The following ABCC5 variants were observed in gnomAD, a reference collection of about 807,000 sequenced individuals.
The protein encoded by ABCC5 is ATP-binding cassette sub-family C member 5.
In ABCC5, 61 loss-of-function variants were observed where a neutral mutation model predicts 160.9. That is an observed-to-expected ratio of 0.38 (90% confidence interval 0.31 to 0.47). The LOEUF is 0.47. Among genes scored for constraint, ABCC5 ranks in the 20% least tolerant of loss-of-function variants. ABCC5 has a pLI of 0.99. For missense variants in ABCC5, 1,308 were observed against 1,813.3 expected (o/e 0.72, Z 5.06); for synonymous variants, 666 against 700.6 (o/e 0.95, Z 0.78).
chr3:183,963,249 G>T lies in ABCC5; in HGVS notation c.2235+136C>A. On this transcript the variant is annotated intron_variant, in intron 15 of 29. Transcript: ENST00000334444. This position sits in a 1 kb window ranked among gnomAD's most constrained non-coding sequence, Gnocchi z 4.6. ...TACAGTGAGCTTTATTGGTACAGGG[G>T]GCTAATTTGCTAAGAAAATGAAACC... The T allele has an allele frequency of 4.6e-6, 4 of 861,002 alleles. No individual in the cohort carries two copies. The highest frequency in any genetic ancestry group is 5.6e-6 in the Non-Finnish European group (3 of 539,096). The allele number at this position is 861,002 out of a possible 1,614,324, so 53.3% of individuals were successfully genotyped here.
intron 27 of ABCC5, chr3:183,927,860 A>C: frequency 1.0e-6 from 1 of 960,454 alleles, no homozygotes; most frequent in African/African-American, 1.8e-5. Flanking sequence ...TTATTCTTCA[A>C]ATGAGAAGAA....
At chr3:183,984,660 C>T in intron 5 of ABCC5, 1 of 1,452,532 alleles carries the variant, frequency 6.9e-7, no homozygotes, top group Non-Finnish European at 9.0e-7. Flanking sequence ...CACCTCTCCC[C>T]TCCCTCAGAT....
chr3:183,952,059 T>C, intron 18 of ABCC5, 56 bp from the exon 19 acceptor site: 1 of 1,563,494 alleles, frequency 6.4e-7, no homozygotes, highest in Admixed American at 1.7e-5. Flanking sequence ...CAAGAGCCCC[T>C]GCTCAGCGCC....
chr3:184,016,997 C>T (rs1722244924), intron 1 of ABCC5, among the ~76,000 whole-genome samples: 1 of 152,162 alleles, frequency 6.6e-6, no homozygotes, highest in African/African-American at 2.4e-5. Context: ...TAAAGGGATA[C>T]GTATTTACCA....
chr3:184,013,065 C>T (rs1402213533), intron 2 of ABCC5, among the ~76,000 whole-genome samples: 1 of 152,112 alleles, frequency 6.6e-6, no homozygotes, highest in African/African-American at 2.4e-5. Context: ...AGGTATAATG[C>T]TTTTTTTCCT....
At chr3:183,925,267 T>C (rs1367264310) in intron 29 of ABCC5, among the ~76,000 whole-genome samples, 1 of 152,246 alleles carries the variant, frequency 6.6e-6, no homozygotes, top group Non-Finnish European at 1.5e-5. Context: ...GTGATCATTG[T>C]GTATGTGAAT....
At position 183,977,543 on chromosome 3, in the gene ABCC5, C is replaced by T; in HGVS notation, c.1378G>A (p.Ala460Thr). 1.2e-6 allele frequency: 2 copies of T among 1,613,984 alleles called. No individual in the cohort carries two copies. Among genetic ancestry groups the T allele is most frequent in the Non-Finnish European group, 1.7e-6 (2 of 1,179,892 alleles). ...TTAAATCTGTCAACAGCCACTGAGG[C>T]TTCTGAGAGGGACTTTACTGAAAAC... ...TPFSVKSLSEASVAVDRFKSL... is the reference protein window; with the variant it reads ...TPFSVKSLSETSVAVDRFKSL... Residue 460 changes from alanine (A) to threonine (T), a missense_variant, in exon 10 of 30, where the codon GCC (alanine) becomes ACC (threonine). Physicochemically the swap from Ala to Thr is moderately conservative, Grantham distance 58. This residue lies in a region of ABCC5 where 1,142 missense variants were observed against 1,527.1 expected (regional missense o/e 0.75). Transcript: ENST00000334444.
In ABCC5 at chr3:183,987,729, C is replaced by T. The variant is rs748339340; in HGVS notation, c.591+41G>A. The T allele has an allele frequency of 3.7e-5, 60 of 1,613,562 alleles. 1 individual carries two copies. In the South Asian group the frequency reaches 4.1e-4, roughly 11 times the overall value. ...TAAGAGTGTTAGAGCTGGCCGTGGC[C>T]GGGCCCCTGGAGACTGTCGGAAAGG... On this transcript the variant is annotated intron_variant, in intron 5 of 29. Coordinates refer to ENST00000334444, the MANE Select transcript of ABCC5 (RefSeq NM_005688.4). This position sits in a 1 kb window ranked among gnomAD's most constrained non-coding sequence, Gnocchi z 4.2.
chr3:183,954,221 C>T (rs573535964), intron 17 of ABCC5, among the ~76,000 whole-genome samples: 3 of 152,196 alleles, frequency 2.0e-5, no homozygotes, highest in East Asian at 3.9e-4. Context: ...GATCTCAGCT[C>T]ACTGCAACCT....
chr3:183,985,778 T>C (rs1338701554), intron 5 of ABCC5: 3 of 261,442 alleles, frequency 1.1e-5, no homozygotes, highest in African/African-American at 6.6e-5. Context: ...ACCCTGCACA[T>C]ATAGCGGCAG....
At chr3:183,927,124 T>G (rs996798838) in intron 28 of ABCC5, among the ~76,000 whole-genome samples, 2 of 152,124 alleles carry the variant, frequency 1.3e-5, no homozygotes, top group African/African-American at 4.8e-5. Flanking sequence ...TGGTCTTGGA[T>G]GAAGGTAAAA....
At chr3:184,013,952 A>C (rs1336589598) in intron 2 of ABCC5, among the ~76,000 whole-genome samples, 4 of 152,158 alleles carry the variant, frequency 2.6e-5, no homozygotes, top group Non-Finnish European at 5.9e-5. Context: ...AGCTCACTGC[A>C]ACCTCCGCCT....
At chr3:183,968,830 T>G (rs1247112366) in intron 11 of ABCC5, among the ~76,000 whole-genome samples, 2 of 152,186 alleles carry the variant, frequency 1.3e-5, no homozygotes, top group Admixed American at 1.3e-4. Context: ...CACTAGCACT[T>G]GCTAACTGTG....
intron 5 of ABCC5, chr3:183,985,152 AAG>A (rs1576898954): frequency 1.3e-6 from 1 of 757,940 alleles, no homozygotes; most frequent in East Asian, 2.6e-5. Flanking sequence ...ATAAAGAAAA[AAG>A]AGGTTTTCAT....
intron 10 of ABCC5, among the ~76,000 whole-genome samples, chr3:183,976,503 C>CCTCA (rs1390584261): frequency 2.6e-5 from 4 of 152,246 alleles, no homozygotes; most frequent in Admixed American, 2.6e-4. Context: ...GAGCCACCTG[C>CCTCA]CTCAGCCTCC....
intron 2 of ABCC5, among the ~76,000 whole-genome samples, chr3:183,991,353 T>C (rs986853363): frequency 2.6e-5 from 4 of 151,034 alleles, no homozygotes; most frequent in South Asian, 4.2e-4. Flanking sequence ...ACAAGGAGAA[T>C]AGATCCCCAA....
chr3:183,957,829 ATC>A (rs1188459939), intron 17 of ABCC5, among the ~76,000 whole-genome samples: 1 of 150,706 alleles, frequency 6.6e-6, no homozygotes, highest in African/African-American at 2.4e-5. Context: ...TGTATATCAC[ATC>A]TGTTACATGC....
intron 26 of ABCC5, among the ~76,000 whole-genome samples, chr3:183,931,233 G>A (rs1713146239): frequency 1.3e-5 from 2 of 151,940 alleles, no homozygotes; most frequent in African/African-American, 2.4e-5. Context: ...ATGGAGAAGC[G>A]AGAACTGCTG....
intron 17 of ABCC5, among the ~76,000 whole-genome samples, chr3:183,955,651 A>C (rs932513588): frequency 1.4e-5 from 2 of 146,206 alleles, no homozygotes; most frequent in African/African-American, 2.5e-5. Flanking sequence ...TGTGTATATC[A>C]CATCGGTTAC....
Sources: gnomAD v4.1 joint callset for allele counts (sites outside exome capture counted in the v4.1 genomes callset) on GRCh38, gnomAD v4.1.1 for gene constraint, gnomAD v4.1.1 regional missense constraint, Gnocchi (gnomAD v3.1) non-coding constraint, MANE v1.5 for transcripts, NCBI Gene and HGNC (gene_info 2026-07-23, HGNC 2026-07-21) for gene names.